The following CEACAM3 variants were observed in gnomAD, a reference collection of about 807,000 sequenced individuals.
CEACAM3 encodes CEA cell adhesion molecule 3.
CEACAM3 carries 32 observed loss-of-function variants against 30.1 expected under a neutral mutation model. The observed-to-expected ratio is 1.06, with a 90% confidence interval of 0.80 to 1.43. CEACAM3 has a LOEUF of 1.43. Ranked by LOEUF, CEACAM3 falls within the 40% of genes most tolerant of loss-of-function variation. The probability of loss-of-function intolerance (pLI) is 0.00; values close to 1 mark genes in which losing one functional copy is unlikely to be tolerated. For synonymous variants in CEACAM3, 134 were observed against 127.2 expected (o/e 1.05, Z -0.36); for missense variants, 290 against 316.3 (o/e 0.92, Z 0.63).
At chr19:41,808,151 C>T (rs187139919) in intron 2 of CEACAM3, among the ~76,000 whole-genome samples, 1 of 152,338 alleles carries the variant, frequency 6.6e-6, no homozygotes, top group Non-Finnish European at 1.5e-5. Flanking sequence ...AAACTCTACC[C>T]TGAGCCCTCT....
intron 2 of CEACAM3, among the ~76,000 whole-genome samples, chr19:41,800,868 T>C (rs1294263315): frequency 1.3e-5 from 2 of 152,078 alleles, no homozygotes; most frequent in African/African-American, 4.8e-5. Context: ...CGCGCATTGG[T>C]GGTAGTGATC....
intron 2 of CEACAM3, 64 bp downstream of exon 2, chr19:41,798,012 T>G: frequency 1.3e-6 from 2 of 1,556,434 alleles, no homozygotes; most frequent in Non-Finnish European, 1.7e-6. Context: ...TATGGGATTG[T>G]CAGGCCTGGG....
At chr19:41,800,590 G>T (rs2073138079) in intron 2 of CEACAM3, among the ~76,000 whole-genome samples, 1 of 152,134 alleles carries the variant, frequency 6.6e-6, no homozygotes, top group African/African-American at 2.4e-5. Flanking sequence ...TGTACGCCTG[G>T]CTCTGCCTTC....
chr19:41,798,580 A>T (rs1555825610), intron 2 of CEACAM3, among the ~76,000 whole-genome samples: 2 of 152,224 alleles, frequency 1.3e-5, no homozygotes, highest in African/African-American at 4.8e-5. Context: ...CAGATGGACA[A>T]GATTACTAGG....
rs1265665129 is a variant in CEACAM3, at chr19:41,810,331, C to G, written c.604C>G (p.Pro202Ala). ...CCTGTCTCTGTTTCCAGGCCGTGGT[C>G]CCTCCCACAGCTCTGCCTTCTCGGT... Reference protein sequence around the residue: ...QPQALAPGRGPSHSSAFSMSP... With the variant: ...QPQALAPGRGASHSSAFSMSP... Residue 202 changes from proline (P) to alanine (A), a missense_variant, in exon 5 of 7, where the codon CCC (proline) becomes GCC (alanine). Pro to Ala is a conservative substitution (Grantham distance 27, BLOSUM62 -1). Transcript: ENST00000357396. 4.4e-6 allele frequency: 7 copies of G among 1,604,966 alleles called. No homozygotes were observed. Among genetic ancestry groups the G allele is most frequent in the Non-Finnish European group, 6.0e-6 (7 of 1,176,404 alleles).
In CEACAM3 at chr19:41,797,857, T is replaced by C. The variant is rs61736642; in HGVS notation, c.333T>C (p.Asn111=). 6,294 of 1,608,424 alleles carry C rather than the reference T, an allele frequency of 3.9e-3. 233 individuals are homozygous for C. The African/African-American group carries it at 0.065, about 17-fold the overall frequency. The change falls in exon 2 of 7, where the codon AAT becomes AAC. Residue 111 remains asparagine (N), a synonymous_variant. Coordinates refer to ENST00000357396, the MANE Select transcript of CEACAM3 (RefSeq NM_001815.5). ...CCAATGCATCCCTGCTGATCCAGAA[T>C]GTCACCCAGAATGACATAGGATTCT... The part of the protein sequence containing the change: ...IYTNASLLIQ[N]VTQNDIGFYT...
intron 3 of CEACAM3, 88 bp downstream of exon 3, chr19:41,809,018 G>A: frequency 1.1e-6 from 1 of 909,842 alleles, no homozygotes; most frequent in Non-Finnish European, 1.7e-6. Flanking sequence ...TTCAGGGCCA[G>A]GCTCTCCACG....
At chr19:41,804,889 A>C (rs1555826521) in intron 2 of CEACAM3, among the ~76,000 whole-genome samples, 1 of 151,832 alleles carries the variant, frequency 6.6e-6, no homozygotes, top group Non-Finnish European at 1.5e-5. Context: ...TAAACTCCTG[A>C]CAAATTTTTA....
intron 2 of CEACAM3, among the ~76,000 whole-genome samples, chr19:41,803,473 T>TTTTTG (rs2073171951): frequency 6.8e-5 from 10 of 146,354 alleles, no homozygotes; most frequent in African/African-American, 1.5e-4. Context: ...TTTGTTTGTT[T>TTTTTG]TTTTTTTTTT....
At chr19:41,797,551 A>C (rs782776854) in intron 1 of CEACAM3, 38 bp from the exon 2 acceptor site, 5 of 1,585,490 alleles carry the variant, frequency 3.2e-6, no homozygotes, top group East Asian at 4.5e-5. Flanking sequence ...ATCCCAATAC[A>C]TGGGTCCCAA....
Position 41,810,694 on chromosome 19 carries a change from G to A in CEACAM3, c.628-138G>A, listed in dbSNP as rs556219871. The A allele has an allele frequency of 3.2e-4, 263 of 824,578 alleles. No individual in the cohort carries two copies. The African/African-American group carries it at 3.5e-3, about 11-fold the overall frequency. 51.1% of individuals were successfully genotyped at this position (824,578 alleles called of 1,614,324 possible). ...GGGTCAGGGTGCTGTGTCCACACTG[G>A]GAGGCTGAGCTCAGGGGCAGAGCTG... On this transcript the variant is annotated intron_variant, in intron 5 of 6. Coordinates refer to ENST00000357396, the MANE Select transcript of CEACAM3 (RefSeq NM_001815.5).
At chr19:41,809,040 C>T in intron 3 of CEACAM3, 110 bp downstream of exon 3, 3 of 746,768 alleles carry the variant, frequency 4.0e-6, no homozygotes, top group Non-Finnish European at 2.2e-6. Context: ...CCTCCCAAGT[C>T]CCCAGGGATC....
chr19:41,801,366 C>T (rs1190321175), intron 2 of CEACAM3, among the ~76,000 whole-genome samples: 1 of 152,218 alleles, frequency 6.6e-6, no homozygotes, highest in Non-Finnish European at 1.5e-5. Context: ...CCACCCAGGG[C>T]TCTTTCCCTT....
intron 2 of CEACAM3, among the ~76,000 whole-genome samples, chr19:41,799,683 A>G (rs1178673583): frequency 2.0e-5 from 3 of 152,154 alleles, no homozygotes; most frequent in African/African-American, 7.2e-5. Flanking sequence ...ACAGGAGGAT[A>G]AAACACTCCC....
chr19:41,811,299 A>C lies in CEACAM3; in HGVS notation c.*62A>C. ...GTCCCCAAGGCCCCCAGCCCTGGGG[A>C]TGGGGAAGGACATGAAGCCTGAGCC... On this transcript the variant is annotated 3_prime_UTR_variant, in exon 7 of 7. Transcript: ENST00000357396. 7.2e-6 allele frequency: 10 copies of C among 1,386,372 alleles called. No homozygotes were observed. The highest frequency in any genetic ancestry group is 1.0e-5 in the Non-Finnish European group (10 of 975,892). The allele number at this position is 1,386,372 out of a possible 1,614,324, so 85.9% of individuals were successfully genotyped here.
At chr19:41,810,552 C>T (rs1366386831) in intron 5 of CEACAM3, among the ~76,000 whole-genome samples, 198 bp downstream of exon 5, 2 of 152,112 alleles carry the variant, frequency 1.3e-5, no homozygotes, top group Admixed American at 6.6e-5. Flanking sequence ...GACCCCTCCC[C>T]GGGACCCTCC....
intron 2 of CEACAM3, among the ~76,000 whole-genome samples, chr19:41,804,930 T>A (rs782466035): frequency 6.6e-5 from 10 of 151,846 alleles, no homozygotes; most frequent in Non-Finnish European, 8.8e-5. Flanking sequence ...AGATGGAGAA[T>A]CCCAAATCCA....
At chr19:41,797,024 T>C (rs2073107978) in intron 1 of CEACAM3, 1 of 343,492 alleles carries the variant, frequency 2.9e-6, no homozygotes, top group African/African-American at 2.1e-5. Context: ...ATACTTTAAA[T>C]AAAAATATAA....
At chr19:41,807,609 G>A in intron 2 of CEACAM3, 1 of 1,215,768 alleles carries the variant, frequency 8.2e-7, no homozygotes, top group Non-Finnish European at 1.0e-6. Context: ...CCTGTGATGG[G>A]AGAAACAGGT....
Sources: gnomAD v4.1 joint callset for allele counts (sites outside exome capture counted in the v4.1 genomes callset) on GRCh38, gnomAD v4.1.1 for gene constraint, MANE v1.5 for transcripts, NCBI Gene and HGNC (gene_info 2026-07-23, HGNC 2026-07-21) for gene names.